Variants in SLC25A3 observed in about 807,000 individuals in gnomAD.
SLC25A3 encodes phosphate transport protein.
SLC25A3 carries 14 observed loss-of-function variants against 37.1 expected under a neutral mutation model. That is an observed-to-expected ratio of 0.38 (90% confidence interval 0.25 to 0.59). The LOEUF (loss-of-function observed/expected upper bound fraction) is 0.59. Ranked by LOEUF, SLC25A3 falls within the 20% of genes least tolerant of loss-of-function variation. The pLI is 0.67. For synonymous variants in SLC25A3, 161 were observed against 168.7 expected (o/e 0.95, Z 0.36); for missense variants, 385 against 458.1 (o/e 0.84, Z 1.46).
At chr12:98,596,696 A>G (rs1592976038) in intron 3 of SLC25A3, among the ~76,000 whole-genome samples, 1 of 152,066 alleles carries the variant, frequency 6.6e-6, no homozygotes, top group Admixed American at 6.6e-5. Context: ...AGTTATATCT[A>G]TTATCTAGAC....
chr12:98,597,568 T>G (rs2097594027), intron 3 of SLC25A3: 1 of 369,660 alleles, frequency 2.7e-6, no homozygotes, highest in Non-Finnish European at 5.1e-6. Flanking sequence ...GGATTACAGG[T>G]GCACGCCACC....
chr12:98,595,098 G>A (rs2097591845), intron 2 of SLC25A3: 1 of 307,704 alleles, frequency 3.2e-6, no homozygotes, highest in Non-Finnish European at 6.2e-6. Context: ...CATGTCGAGT[G>A]ATCTTTCTGA....
At chr12:98,594,515 T>C in intron 2 of SLC25A3, 2 of 600,800 alleles carry the variant, frequency 3.3e-6, no homozygotes, top group Admixed American at 5.8e-5. Flanking sequence ...TGTCCTTTGA[T>C]TTGCCCTTAG....
Position 98,594,147 on chromosome 12 carries a change from C to A in SLC25A3, c.157+12C>A. On this transcript the variant is annotated intron_variant, in intron 2 of 7. Transcript: ENST00000552981. ...CGCCGCCGTGGAAGGTGAGATCAGA[C>A]CCTGCCCAATACAGTCGTGTGGTCT... The A allele has an allele frequency of 1.2e-6, 2 of 1,602,970 alleles. No individual in the cohort carries two copies. The highest frequency in any genetic ancestry group is 2.7e-5 in the African/African-American group (2 of 74,870).
At chr12:98,594,207 C>A in intron 2 of SLC25A3, 72 bp downstream of exon 2, 1 of 1,299,050 alleles carries the variant, frequency 7.7e-7, no homozygotes. Flanking sequence ...GGCCTGGACC[C>A]GGCTTGGAGG....
intron 7 of SLC25A3, 32 bp from the exon 8 acceptor site, chr12:98,601,336 T>A: frequency 6.2e-7 from 1 of 1,614,040 alleles, no homozygotes; most frequent in Non-Finnish European, 8.5e-7. Context: ...ATATGTTGCA[T>A]TTTTTTCATT....
rs1298866905 is a variant in SLC25A3, at chr12:98,605,244, A to G, written c.*3716A>G. 6.6e-6 allele frequency: 1 copy of G among 151,990 alleles called. No individual in the cohort carries two copies. Among genetic ancestry groups the G allele is most frequent in the African/African-American group, 2.4e-5 (1 of 41,338 alleles). The allele number at this position is 151,990 out of a possible 1,614,324, so 9.4% of individuals were successfully genotyped here. A position where few individuals can be genotyped will look rare whatever the true frequency, so the allele number is the denominator to read the frequency against. On this transcript the variant is annotated 3_prime_UTR_variant, in exon 8 of 8. Coordinates refer to ENST00000552981, the MANE Select transcript of SLC25A3 (RefSeq NM_002635.4). ...AGACCATCCTGGACAACATAATGAG[A>G]AAAGAAAATACAAAAATTAAGGGGT...
chr12:98,594,815 G>A (rs1592974628), intron 2 of SLC25A3: 1 of 190,084 alleles, frequency 5.3e-6, no homozygotes, highest in East Asian at 1.5e-4. Flanking sequence ...AATTGTAGGA[G>A]TCCTAAGAAT....
intron 2 of SLC25A3, 48 bp from the exon 3 acceptor site, chr12:98,595,679 A>T (rs781539672): frequency 2.5e-6 from 4 of 1,614,016 alleles, no homozygotes; most frequent in Non-Finnish European, 3.4e-6. Flanking sequence ...TATGACCAGT[A>T]ACATGAGTTT....
intron 4 of SLC25A3, 94 bp downstream of exon 4, chr12:98,598,129 A>G: frequency 7.9e-7 from 1 of 1,258,922 alleles, no homozygotes; most frequent in Non-Finnish European, 1.2e-6. Context: ...TTTAGCACTG[A>G]AGAAAATGGT....
At chr12:98,596,218 G>A (rs2097592858) in intron 3 of SLC25A3, among the ~76,000 whole-genome samples, 3 of 152,184 alleles carry the variant, frequency 2.0e-5, no homozygotes, top group Admixed American at 2.0e-4. Flanking sequence ...CTACTAATAA[G>A]ACCAAGGCAA....
rs373128658 is a variant in SLC25A3 at position 98,598,710 on chromosome 12, A to G, written c.641+7A>G. 5.7e-5 allele frequency: 92 copies of G among 1,610,262 alleles called. No individual in the cohort carries two copies. Among genetic ancestry groups the G allele is most frequent in the Non-Finnish European group, 7.6e-5 (89 of 1,176,844 alleles). On this transcript the variant is annotated splice_region_variant and intron_variant, in intron 5 of 7. Coordinates refer to ENST00000552981, the MANE Select transcript of SLC25A3 (RefSeq NM_002635.4). Reference sequence around the variant, plus strand: ...AGGAAGAAGGCCTAAAAGCGTAAGTAAACACTTAAAAATTTATACTATGAA... The same window carrying G: ...AGGAAGAAGGCCTAAAAGCGTAAGTGAACACTTAAAAATTTATACTATGAA...
At chr12:98,598,140 C>T (rs1336893624) in intron 4 of SLC25A3, 105 bp downstream of exon 4, 15 of 1,122,456 alleles carry the variant, frequency 1.3e-5, no homozygotes, top group Non-Finnish European at 2.0e-5. Context: ...AGAAAATGGT[C>T]CTACAAAGTG....
intron 3 of SLC25A3, chr12:98,597,510 C>T (rs2097593967): frequency 3.6e-6 from 1 of 274,048 alleles, no homozygotes; most frequent in Admixed American, 5.1e-5. Context: ...CTCCCTCCCT[C>T]AGGCTCAAGC....
At chr12:98,593,852 C>A in intron 1 of SLC25A3, 112 bp downstream of exon 1, 2 of 1,129,086 alleles carry the variant, frequency 1.8e-6, no homozygotes, top group Non-Finnish European at 2.6e-6. Context: ...CTTTCGAAGG[C>A]CGCCGTGACC....
At position 98,594,027 on chromosome 12, in the gene SLC25A3, C is replaced by T. The variant is rs1294003725; in HGVS notation, c.49C>T (p.Pro17Ser). ...HLARANPFNT[P>S]HLQLVHDGLG... is the part of the protein sequence containing the mutation. Reference sequence around the variant, plus strand: ...GGCGCGGGCGAACCCCTTCAACACGCCACATCTGCAGCTGGTGCACGATGG... The same window carrying T: ...GGCGCGGGCGAACCCCTTCAACACGTCACATCTGCAGCTGGTGCACGATGG... The change falls in exon 2 of 8, where the codon CCA becomes TCA. Residue 17 changes from proline to serine, a missense_variant. This residue lies in a region of SLC25A3 where 109 missense variants were observed against 90.5 expected (regional missense o/e 1.20). Transcript: ENST00000552981. 6.2e-7 allele frequency: 1 copy of T among 1,613,616 alleles called. No individual in the cohort carries two copies. The highest frequency in any genetic ancestry group is 1.3e-5 in the African/African-American group (1 of 74,940).
rs2097600779 is a variant in SLC25A3, at chr12:98,605,566, C to A, written c.*4038C>A. The stretch of plus-strand genomic sequence containing the variant: ...GGTGCAAAAGCTCACTCCTGAAATC[C>A]AAGCACTTTGGGAGGCTGAGGTGGG... On this transcript the variant is annotated 3_prime_UTR_variant, in exon 8 of 8. Transcript: ENST00000552981. 2 of 152,040 alleles carry A rather than the reference C, an allele frequency of 1.3e-5. No individual in the cohort carries two copies. 9.4% of individuals were successfully genotyped at this position (152,040 alleles called of 1,614,324 possible).
In SLC25A3 at chr12:98,598,663, G is replaced by C. The variant is rs1468517470; in HGVS notation, c.601G>C (p.Asp201His). The C allele has an allele frequency of 3.1e-6, 5 of 1,614,072 alleles. No homozygotes were observed. Among genetic ancestry groups the C allele is most frequent in the Non-Finnish European group, 4.2e-6 (5 of 1,179,970 alleles). Reference sequence around the variant, plus strand: ...GCCAGGTTATGCCAACACTTTGAGGGATGCAGCTCCCAAAATGTATAAGGA... The same window carrying C: ...GCCAGGTTATGCCAACACTTTGAGGCATGCAGCTCCCAAAATGTATAAGGA... ...TQPGYANTLRDAAPKMYKEEG... is the reference protein window; with the variant it reads ...TQPGYANTLRHAAPKMYKEEG... The change falls in exon 5 of 8, where the codon GAT becomes CAT. Residue 201 changes from aspartate to histidine, a missense_variant. Coordinates refer to ENST00000552981, the MANE Select transcript of SLC25A3 (RefSeq NM_002635.4).
chr12:98,596,668 A>C (rs906185351), intron 3 of SLC25A3, among the ~76,000 whole-genome samples: 1 of 152,174 alleles, frequency 6.6e-6, no homozygotes, highest in Non-Finnish European at 1.5e-5. Context: ...TTAAAGAACT[A>C]GCATATGTTA....
Sources: allele counts gnomAD v4.1 joint callset (sites outside exome capture counted in the v4.1 genomes callset), GRCh38; gene constraint gnomAD v4.1.1; regional missense constraint gnomAD v4.1.1; transcripts MANE v1.5; gene names NCBI Gene and HGNC (gene_info 2026-07-23, HGNC 2026-07-21).